Variants in MYT1L observed in about 807,000 individuals in gnomAD.
The protein encoded by MYT1L is myelin transcription factor 1 like, also known as myelin transcription factor 1-like protein.
Under a neutral mutation model 126.7 loss-of-function variants are expected in MYT1L, and 12 were observed. The observed-to-expected ratio is 0.09, with a 90% CI of 0.06 to 0.15. The LOEUF (loss-of-function observed/expected upper bound fraction) is 0.15. Ranked by LOEUF, MYT1L falls within the 10% of genes least tolerant of loss-of-function variation. The pLI, the probability that MYT1L is intolerant of heterozygous loss-of-function variation, is 1.00. For missense variants in MYT1L, 979 were observed against 1,585.2 expected (o/e 0.62, Z 6.49); for synonymous variants, 541 against 604.2 (o/e 0.90, Z 1.53).
At position 2,279,214 on chromosome 2, in the gene MYT1L, C is replaced by A. The variant is rs544040285; in HGVS notation, c.-421+5190G>T. Among the ~76,000 whole-genome samples the A allele has an allele frequency of 1.2e-3, 186 of 152,226 alleles. 3 individuals are homozygous for A. The highest frequency in any genetic ancestry group is 0.012 in the Admixed American group (182 of 15,292). ...ACTATGAAGTTCTGGGTACAGAGGACAAAACTCCCTTGGTTTTATGGTTTA... is the reference window on the plus strand; with the variant it reads ...ACTATGAAGTTCTGGGTACAGAGGAAAAAACTCCCTTGGTTTTATGGTTTA... On this transcript the variant is annotated intron_variant, in intron 2 of 24. Transcript: ENST00000647738.
At chr2:2,251,899 A>G (rs2094661435) in intron 2 of MYT1L, among the ~76,000 whole-genome samples, 1 of 152,008 alleles carries the variant, frequency 6.6e-6, no homozygotes, top group South Asian at 2.1e-4. Context: ...ACGAAAAGAA[A>G]GAAAGAAAAG....
chr2:2,162,369 A>C (rs2088140114), intron 3 of MYT1L, among the ~76,000 whole-genome samples: 1 of 152,022 alleles, frequency 6.6e-6, no homozygotes, highest in African/African-American at 2.4e-5. Flanking sequence ...TCGGGTAGTA[A>C]TACAGACAGT....
chr2:1,975,628 C>G (rs2060112529), intron 8 of MYT1L, among the ~76,000 whole-genome samples: 1 of 152,208 alleles, frequency 6.6e-6, no homozygotes, highest in South Asian at 2.1e-4. Flanking sequence ...CTTTGGGAGG[C>G]TGAGGCGGGT....
chr2:2,252,651 C>G (rs772762156), intron 2 of MYT1L, among the ~76,000 whole-genome samples: 4 of 152,272 alleles, frequency 2.6e-5, no homozygotes, highest in Admixed American at 1.3e-4. Flanking sequence ...AGGGGGAAGA[C>G]AGCAGCAGGG....
At chr2:2,016,965 C>T (rs1376233620) in intron 4 of MYT1L, among the ~76,000 whole-genome samples, 1 of 152,208 alleles carries the variant, frequency 6.6e-6, no homozygotes, top group Non-Finnish European at 1.5e-5. Context: ...GCTTAAATTA[C>T]AATGTAAAGG....
At chr2:2,249,995 G>A (rs191269238) in intron 2 of MYT1L, among the ~76,000 whole-genome samples, 329 of 152,162 alleles carry the variant, frequency 2.2e-3, no homozygotes, top group Non-Finnish European at 4.1e-3. Context: ...CAGTTACAAC[G>A]GCTTCTATCC....
chr2:2,133,601 A>G lies in MYT1L; in HGVS notation c.-304+39271T>C, dbSNP rs979392451. On this transcript the variant is annotated intron_variant, in intron 3 of 24. Coordinates refer to ENST00000647738, the MANE Select transcript of MYT1L (RefSeq NM_001303052.2). ...AAATATTTTTATTCTTATCTTTAAC[A>G]TGCTTAATTTTAAAAGGGGATAAAT... Among the ~76,000 whole-genome samples, 60 of 152,314 alleles carry G rather than the reference A, an allele frequency of 3.9e-4. 1 individual carries two copies. Among genetic ancestry groups the G allele is most frequent in the Middle Eastern group, 3.4e-3 (1 of 294 alleles).
chr2:1,870,960 C>T (rs11127307), intron 18 of MYT1L, among the ~76,000 whole-genome samples: 80,390 of 152,016 alleles, frequency 0.53, 23,066 homozygotes, highest in African/African-American at 0.75. Context: ...CTGCTTTACC[C>T]GCCCTGCCCT....
chr2:2,222,252 T>C (rs1001419157), intron 2 of MYT1L, among the ~76,000 whole-genome samples: 1 of 152,112 alleles, frequency 6.6e-6, no homozygotes, highest in Non-Finnish European at 1.5e-5. Flanking sequence ...TCCCACACTC[T>C]GGAAGGCTGA....
rs547919481 is a variant in MYT1L at position 2,316,939 on chromosome 2, T to C, written c.-521+14028A>G. Among the ~76,000 whole-genome samples, 20 of 152,086 alleles carry C rather than the reference T, an allele frequency of 1.3e-4. No homozygotes were observed. In the South Asian group the frequency reaches 4.2e-3, roughly 32 times the overall value. On this transcript the variant is annotated intron_variant, in intron 1 of 24. Coordinates refer to ENST00000647738, the MANE Select transcript of MYT1L (RefSeq NM_001303052.2). The stretch of plus-strand genomic sequence containing the variant: ...AATTCTCCTGCCTCAGCCTCCCAAG[T>C]AGCTGGAACTACAGGCATCCACCAC...
chr2:2,079,543 C>T (rs543999176), intron 3 of MYT1L, among the ~76,000 whole-genome samples: 5 of 152,294 alleles, frequency 3.3e-5, no homozygotes, highest in African/African-American at 7.2e-5. Flanking sequence ...CGGTGGCTCA[C>T]GCCTGTAATC....
chr2:2,072,154 G>A (rs1350306159), intron 3 of MYT1L, among the ~76,000 whole-genome samples: 2 of 152,084 alleles, frequency 1.3e-5, no homozygotes, highest in Admixed American at 6.5e-5. Context: ...GACTCCTAAG[G>A]CAGTGCTCGG....
intron 5 of MYT1L, among the ~76,000 whole-genome samples, chr2:1,994,156 C>T (rs1357261067): frequency 3.3e-5 from 5 of 152,202 alleles, no homozygotes; most frequent in South Asian, 2.1e-4. Context: ...TCCCAGTCTC[C>T]GTGGCCTGCA....
At chr2:2,240,072 C>T (rs1283824244) in intron 2 of MYT1L, among the ~76,000 whole-genome samples, 3 of 152,042 alleles carry the variant, frequency 2.0e-5, no homozygotes, top group South Asian at 2.1e-4. Flanking sequence ...CCGAGGTGGG[C>T]AGATCACCTG....
chr2:1,938,481 C>T (rs952582258), intron 9 of MYT1L, among the ~76,000 whole-genome samples: 1 of 152,140 alleles, frequency 6.6e-6, no homozygotes. Flanking sequence ...AAAGACCAGC[C>T]TATGGTAGGT....
intron 19 of MYT1L, among the ~76,000 whole-genome samples, chr2:1,847,337 C>T (rs1007940207): frequency 2.6e-5 from 4 of 152,146 alleles, no homozygotes; most frequent in Middle Eastern, 3.2e-3. Flanking sequence ...CCGTAGAGGC[C>T]ACAGGGTGTT....
intron 9 of MYT1L, among the ~76,000 whole-genome samples, chr2:1,930,305 C>T (rs980531974): frequency 2.8e-4 from 43 of 152,218 alleles, no homozygotes; most frequent in Middle Eastern, 3.2e-3. Context: ...CACTATATCA[C>T]GGAGCAGAGC....
At position 2,270,244 on chromosome 2, in the gene MYT1L, G is replaced by A. The variant is rs79225117; in HGVS notation, c.-421+14160C>T. Among the ~76,000 whole-genome samples the A allele has an allele frequency of 3.9e-3, 594 of 152,352 alleles. 7 individuals are homozygous for A. Among genetic ancestry groups the A allele is most frequent in the East Asian group, 0.025 (128 of 5,178 alleles). On this transcript the variant is annotated intron_variant, in intron 2 of 24. Coordinates refer to ENST00000647738, the MANE Select transcript of MYT1L (RefSeq NM_001303052.2). ...TGGACTTCGGAGCCTCCAGAACTAT[G>A]AGAATTGATGCCTGTTGTTTAAGCC...
At chr2:1,845,683 G>A (rs895352480) in intron 19 of MYT1L, among the ~76,000 whole-genome samples, 2 of 152,202 alleles carry the variant, frequency 1.3e-5, no homozygotes, top group Non-Finnish European at 2.9e-5. Flanking sequence ...CGCTGTCTAG[G>A]CTAAAAGCTA....
Sources: allele counts gnomAD v4.1 joint callset (sites outside exome capture counted in the v4.1 genomes callset), GRCh38; gene constraint gnomAD v4.1.1; transcripts MANE v1.5; gene names NCBI Gene and HGNC (gene_info 2026-07-23, HGNC 2026-07-21).